ACTMAP: variants seen among roughly 807,000 people sequenced by gnomAD.
The protein encoded by ACTMAP is actin maturation protease, also known as UPF0692 protein C19orf54.
the ACTMAP span, chr19:40,742,326 A>G: frequency 1.8e-6 from 2 of 1,131,376 alleles, no homozygotes; most frequent in East Asian, 2.6e-5. Context: ...AGGACTGGAG[A>G]CCCCTGAGAC....
At chr19:40,741,621 G>T in the ACTMAP span, 1 of 419,464 alleles carries the variant, frequency 2.4e-6, no homozygotes, top group Admixed American at 2.5e-5. Context: ...AAAGTTTGTG[G>T]TCAGCACCAT....
chr19:40,742,836 A>C, the ACTMAP span: 81 of 1,453,856 alleles, frequency 5.6e-5, no homozygotes, highest in Non-Finnish European at 7.5e-5. Flanking sequence ...GGGCTCACTA[A>C]GTTCCGCCCT....
the ACTMAP span, among the ~76,000 whole-genome samples, chr19:40,745,707 G>A: frequency 2.0e-5 from 3 of 151,904 alleles, no homozygotes; most frequent in South Asian, 2.1e-4. Context: ...AGTTTTGCTC[G>A]TTTTGCCCAT....
chr19:40,743,776 C>A, the ACTMAP span: 1 of 1,158,576 alleles, frequency 8.6e-7, no homozygotes, highest in Non-Finnish European at 1.3e-6. Context: ...GCCCAGCCTG[C>A]CCGGTGCTAA....
chr19:40,744,771 G>A, the ACTMAP span: 5 of 1,479,516 alleles, frequency 3.4e-6, no homozygotes, highest in Non-Finnish European at 4.5e-6. Flanking sequence ...TGCTGCCCTG[G>A]AGGAGTCCCC....
the ACTMAP span, chr19:40,744,786 C>G: frequency 7.0e-7 from 1 of 1,436,346 alleles, no homozygotes; most frequent in Non-Finnish European, 9.2e-7. Context: ...GTCCCCCTCC[C>G]CTCTCCCAGG....
At chr19:40,742,303 G>T in the ACTMAP span, 3 of 906,946 alleles carry the variant, frequency 3.3e-6, no homozygotes, top group African/African-American at 1.7e-5. Flanking sequence ...GCAGGGGGTG[G>T]CCCTGATGAA....
At chr19:40,744,851 G>T in the ACTMAP span, 4 of 1,127,292 alleles carry the variant, frequency 3.5e-6, no homozygotes, top group Non-Finnish European at 4.9e-6. Context: ...TGGAGGGCTG[G>T]GGGTGGAAGG....
the ACTMAP span, among the ~76,000 whole-genome samples, chr19:40,746,861 C>A: frequency 2.0e-5 from 3 of 151,636 alleles, no homozygotes; most frequent in Non-Finnish European, 4.4e-5. Flanking sequence ...GGCTGGAGTA[C>A]AGTGGTGCGA....
chr19:40,744,013 C>G, the ACTMAP span: 4 of 1,613,900 alleles, frequency 2.5e-6, no homozygotes, highest in African/African-American at 4.0e-5. Flanking sequence ...TGGTGTGGCC[C>G]TGGGACCCAC....
At chr19:40,741,686 A>G in the ACTMAP span, 2 of 456,432 alleles carry the variant, frequency 4.4e-6, no homozygotes, top group South Asian at 3.1e-5. Context: ...CCTAGCTTGA[A>G]TCCTGACCTT....
At chr19:40,748,148 G>C in the ACTMAP span, among the ~76,000 whole-genome samples, 1 of 152,066 alleles carries the variant, frequency 6.6e-6, no homozygotes, top group Non-Finnish European at 1.5e-5. Context: ...CATCTCAGTG[G>C]GGGCATTTAG....
the ACTMAP span, among the ~76,000 whole-genome samples, chr19:40,747,226 T>C: frequency 6.6e-6 from 1 of 151,748 alleles, no homozygotes; most frequent in Non-Finnish European, 1.5e-5. Context: ...TGAAAGATGA[T>C]ACCACATAAG....
chr19:40,748,158 G>A, the ACTMAP span, among the ~76,000 whole-genome samples: 2 of 152,094 alleles, frequency 1.3e-5, no homozygotes, highest in African/African-American at 4.8e-5. Context: ...GGGGCATTTA[G>A]GGAAGGTTAT....
chr19:40,744,135 A>G, the ACTMAP span: 82 of 1,611,736 alleles, frequency 5.1e-5, no homozygotes, highest in Non-Finnish European at 6.7e-5. Context: ...CGCCCAGGCC[A>G]CCAGAGAGCA....
the ACTMAP span, among the ~76,000 whole-genome samples, chr19:40,748,773 C>T: frequency 0.013 from 1,925 of 152,258 alleles, 39 homozygotes; most frequent in African/African-American, 0.044. Context: ...CACTCCAGGC[C>T]CCTGCGCAAG....
the ACTMAP span, chr19:40,741,133 G>C: frequency 2.5e-6 from 1 of 399,834 alleles, no homozygotes; most frequent in Non-Finnish European, 4.4e-6. Flanking sequence ...TCTTTACCCT[G>C]ATCACTGGTT....
At chr19:40,749,770 G>GT in the ACTMAP span, 1 of 1,474,892 alleles carries the variant, frequency 6.8e-7, no homozygotes, top group Non-Finnish European at 9.0e-7. Flanking sequence ...GGAGAAATTG[G>GT]TGGTTTTAGG....
At chr19:40,744,332 G>C in the ACTMAP span, 459 of 1,387,150 alleles carry the variant, frequency 3.3e-4, 2 homozygotes, top group African/African-American at 6.0e-3. Flanking sequence ...GAGGCACAAA[G>C]AGCGTGAGTG....
Sources: allele counts gnomAD v4.1 joint callset (sites outside exome capture counted in the v4.1 genomes callset), GRCh38; gene constraint gnomAD v4.1.1; transcripts MANE v1.5; gene names NCBI Gene and HGNC (gene_info 2026-07-23, HGNC 2026-07-21).